Variants in PHF20 observed in about 807,000 individuals in gnomAD.
PHF20 encodes glioma-expressed antigen 2.
In PHF20, 23 loss-of-function variants were observed where a neutral mutation model predicts 113.5. The ratio of observed to expected loss-of-function variants is 0.20; its 90% CI spans 0.15 to 0.29. The LOEUF is 0.29. Among genes scored for constraint, PHF20 ranks in the 10% least tolerant of loss-of-function variants. PHF20 has a pLI of 1.00. For synonymous variants in PHF20, 434 were observed against 457.3 expected (o/e 0.95, Z 0.65); for missense variants, 943 against 1,219.6 (o/e 0.77, Z 3.38).
intron 9 of PHF20, among the ~76,000 whole-genome samples, chr20:35,894,936 A>G (rs373353685): frequency 6.6e-6 from 1 of 152,136 alleles, no homozygotes; most frequent in Admixed American, 6.5e-5. Context: ...GCTCACTGCG[A>G]TCTCGACCTC....
intron 2 of PHF20, among the ~76,000 whole-genome samples, chr20:35,806,838 C>T (rs1301788008): frequency 2.0e-5 from 3 of 147,558 alleles, no homozygotes; most frequent in Admixed American, 6.9e-5. Flanking sequence ...CTCAGTCGCC[C>T]AGGCTGGAGT....
At chr20:35,933,428 G>A (rs1196776608) in intron 15 of PHF20, among the ~76,000 whole-genome samples, 3 of 149,370 alleles carry the variant, frequency 2.0e-5, no homozygotes, top group East Asian at 3.9e-4. Flanking sequence ...ACCGAGTCTC[G>A]CTCTGTCACC....
intron 9 of PHF20, 156 bp downstream of exon 9, chr20:35,871,985 T>C: frequency 4.0e-6 from 2 of 500,250 alleles, no homozygotes; most frequent in Non-Finnish European, 6.8e-6. Flanking sequence ...ATTTCTGATT[T>C]TGATAATTTG....
chr20:35,907,363 G>A (rs1600913841), intron 10 of PHF20, among the ~76,000 whole-genome samples: 2 of 152,322 alleles, frequency 1.3e-5, no homozygotes, highest in Middle Eastern at 3.4e-3. Flanking sequence ...TAGGTGACAA[G>A]CTGCTCTCTG....
chr20:35,828,429 T>A (rs937697768), intron 2 of PHF20, among the ~76,000 whole-genome samples: 1 of 152,148 alleles, frequency 6.6e-6, no homozygotes, highest in African/African-American at 2.4e-5. Context: ...CCCATGATGT[T>A]TCTTTAGTTA....
chr20:35,890,116 C>G (rs752755040), intron 9 of PHF20, among the ~76,000 whole-genome samples: 1 of 152,050 alleles, frequency 6.6e-6, no homozygotes, highest in African/African-American at 2.4e-5. Flanking sequence ...CAGCATCGAC[C>G]TCCTGGGTTC....
chr20:35,917,450 A>G (rs1396514882), intron 12 of PHF20, 34 bp from the exon 13 acceptor site: 2 of 1,573,524 alleles, frequency 1.3e-6, no homozygotes, highest in South Asian at 1.1e-5. Context: ...TTTATAACCT[A>G]AAATAGTAAC....
At chr20:35,799,525 T>G (rs2041736989) in intron 1 of PHF20, among the ~76,000 whole-genome samples, 1 of 151,934 alleles carries the variant, frequency 6.6e-6, no homozygotes, top group Admixed American at 6.6e-5. Context: ...GGGGTAAGTC[T>G]GCTGTAAGGA....
chr20:35,813,389 A>T (rs539178474), intron 2 of PHF20, among the ~76,000 whole-genome samples: 8 of 152,298 alleles, frequency 5.3e-5, no homozygotes, highest in African/African-American at 1.9e-4. Flanking sequence ...GTCCAGTGGG[A>T]TGCTGTTTAA....
In PHF20 at chr20:35,844,403, G is replaced by GT. The variant is rs1350190525; in HGVS notation, c.255+1671dup. ...AGGTGTGAGCCACCGCGCCCAGCCG[G>GT]TTTTTTTTTTTTGGTTTTTTTTTTT... On this transcript the variant is annotated intron_variant, in intron 3 of 17. Transcript: ENST00000374012. 1.5e-3 allele frequency among the ~76,000 whole-genome samples: 198 copies of GT among 135,028 alleles called. 4 individuals are homozygous for GT. The highest frequency in any genetic ancestry group is 2.8e-3 in the East Asian group (13 of 4,674). The allele number at this position is 135,028 out of a possible 152,430, so 88.6% of individuals were successfully genotyped here. A position where few individuals can be genotyped will look rare whatever the true frequency, so the allele number is the denominator to read the frequency against.
At chr20:35,804,992 C>A (rs950855896) in intron 2 of PHF20, among the ~76,000 whole-genome samples, 1 of 152,048 alleles carries the variant, frequency 6.6e-6, no homozygotes, top group Non-Finnish European at 1.5e-5. Flanking sequence ...ATCTCCGCCT[C>A]CCAGGTTCAA....
At chr20:35,916,460 A>G (rs2055405153) in intron 12 of PHF20, among the ~76,000 whole-genome samples, 1 of 151,148 alleles carries the variant, frequency 6.6e-6, no homozygotes, top group Non-Finnish European at 1.5e-5. Flanking sequence ...CTGTCTATAG[A>G]GTTTTTGTTT....
chr20:35,878,401 A>G (rs2054568701), intron 9 of PHF20: 3 of 439,944 alleles, frequency 6.8e-6, no homozygotes, highest in Non-Finnish European at 1.2e-5. Flanking sequence ...GGACCTCTTC[A>G]GGTTGGCGTG....
intron 4 of PHF20, chr20:35,850,933 A>G (rs567987399): frequency 1.3e-4 from 73 of 576,016 alleles, no homozygotes; most frequent in African/African-American, 1.3e-3. Context: ...GTGAAGATAG[A>G]ACTGCAGCAA....
intron 4 of PHF20, chr20:35,855,284 C>T (rs768780469): frequency 1.5e-6 from 2 of 1,334,250 alleles, no homozygotes; most frequent in South Asian, 1.2e-5. Context: ...GGAACCCAGA[C>T]CTTTGTTGTA....
Position 35,947,505 on chromosome 20 carries a change from T to A in PHF20, c.2917T>A (p.Tyr973Asn), listed in dbSNP as rs781606814. Residue 973 changes from tyrosine to asparagine, a missense_variant, in exon 18 of 18, where the codon TAC becomes AAC. Physicochemically the swap from Tyr to Asn is moderately radical, Grantham distance 143. This residue lies in a region of PHF20 where 349 missense variants were observed against 412.3 expected (regional missense o/e 0.85). Coordinates refer to ENST00000374012, the MANE Select transcript of PHF20 (RefSeq NM_016436.5). ...ELDVLESWLD[Y>N]TGELEPPEPL... ...GACAGTGTTGGAGAGCTGGCTGGACTACACTGGGGAACTGGAGCCCCCTGA... is the reference window on the plus strand; with the variant it reads ...GACAGTGTTGGAGAGCTGGCTGGACAACACTGGGGAACTGGAGCCCCCTGA... 9.9e-6 allele frequency: 16 copies of A among 1,614,108 alleles called. No individual in the cohort carries two copies. The South Asian group carries it at 1.8e-4, about 18-fold the overall frequency.
chr20:35,930,559 G>T (rs549721038), intron 14 of PHF20, among the ~76,000 whole-genome samples: 1 of 152,258 alleles, frequency 6.6e-6, no homozygotes, highest in East Asian at 1.9e-4. Flanking sequence ...TGTAGTCCCA[G>T]ATACTCGGGA....
chr20:35,928,397 C>A (rs1284080513), intron 14 of PHF20, among the ~76,000 whole-genome samples: 1 of 137,506 alleles, frequency 7.3e-6, no homozygotes, highest in African/African-American at 2.7e-5. Context: ...CGAGATCATG[C>A]CAGTGCACTC....
At chr20:35,907,460 G>C (rs2055220898) in intron 10 of PHF20, among the ~76,000 whole-genome samples, 1 of 152,186 alleles carries the variant, frequency 6.6e-6, no homozygotes, top group Non-Finnish European at 1.5e-5. Context: ...TGCTCTGTGG[G>C]TCATGGAACA....
Sources: allele counts gnomAD v4.1 joint callset (sites outside exome capture counted in the v4.1 genomes callset), GRCh38; gene constraint gnomAD v4.1.1; regional missense constraint gnomAD v4.1.1; transcripts MANE v1.5; gene names NCBI Gene and HGNC (gene_info 2026-07-23, HGNC 2026-07-21).